The following CENPP variants were observed in gnomAD, a reference collection of about 807,000 sequenced individuals.
CENPP encodes centromere protein P.
In CENPP, 24 loss-of-function variants were observed where a neutral mutation model predicts 35.6. That is an observed-to-expected ratio of 0.67 (90% CI 0.49 to 0.95). The LOEUF (loss-of-function observed/expected upper bound fraction) is 0.95. Ranked by LOEUF, CENPP falls within the 40% of genes least tolerant of loss-of-function variation. The pLI is 0.00. For synonymous variants in CENPP, 120 were observed against 125.5 expected (o/e 0.96, Z 0.29); for missense variants, 332 against 345.3 (o/e 0.96, Z 0.31).
intron 4 of CENPP, among the ~76,000 whole-genome samples, chr9:92,357,372 G>T (rs1328762186): frequency 1.3e-5 from 2 of 151,376 alleles, no homozygotes; most frequent in African/African-American, 4.9e-5. Flanking sequence ...ACTTTTGTTT[G>T]CCTGAGAATG....
At chr9:92,563,357 T>G (rs1237476707) in intron 5 of CENPP, among the ~76,000 whole-genome samples, 2 of 152,322 alleles carry the variant, frequency 1.3e-5, no homozygotes, top group African/African-American at 4.8e-5. Flanking sequence ...CCATCTGTTT[T>G]CCCCAAACAG....
At chr9:92,450,774 T>G (rs897525429) in intron 5 of CENPP, among the ~76,000 whole-genome samples, 27 of 152,200 alleles carry the variant, frequency 1.8e-4, no homozygotes, top group East Asian at 1.5e-3. Flanking sequence ...CCTGACTTTT[T>G]AATGATTGCC....
intron 5 of CENPP, chr9:92,457,148 A>C: frequency 7.1e-7 from 1 of 1,409,016 alleles, no homozygotes; most frequent in Non-Finnish European, 9.2e-7. Context: ...TTCTTGTCAT[A>C]AAATAAGTCA....
rs1851414173 is a variant in CENPP at position 92,615,910 on chromosome 9, TAC to T, written c.*2763_*2764del. 1 of 1,614,226 alleles carries T rather than the reference TAC, an allele frequency of 6.2e-7. No individual in the cohort carries two copies. The highest frequency in any genetic ancestry group is 8.5e-7 in the Non-Finnish European group (1 of 1,180,042). ...ACATCACGGCGTTGTCTTTGGCACG[TAC>T]AGTCTTTGAATAATAGTTGACGATC... On this transcript the variant is annotated 3_prime_UTR_variant, in exon 8 of 8. Transcript: ENST00000375587.
chr9:92,363,238 CA>C (rs1841805383), intron 4 of CENPP, among the ~76,000 whole-genome samples: 1 of 143,960 alleles, frequency 6.9e-6, no homozygotes. Context: ...CATATATACA[CA>C]CACACACACA....
chr9:92,346,390 A>G (rs1841295213), intron 4 of CENPP, among the ~76,000 whole-genome samples: 1 of 152,108 alleles, frequency 6.6e-6, no homozygotes. Flanking sequence ...ACAAAGAGGG[A>G]ATAACTTTGC....
At chr9:92,466,289 A>T (rs928817053) in intron 5 of CENPP, 1 of 1,018,496 alleles carries the variant, frequency 9.8e-7, no homozygotes, top group African/African-American at 1.6e-5. Context: ...CTTAATAGTG[A>T]CGATAAAGTG....
chr9:92,437,311 G>A (rs570866075), intron 5 of CENPP, among the ~76,000 whole-genome samples: 1 of 151,858 alleles, frequency 6.6e-6, no homozygotes, highest in African/African-American at 2.4e-5. Context: ...CATTGTAAGG[G>A]TTCTTTGTAT....
At chr9:92,400,202 G>A (rs1013288509) in intron 5 of CENPP, among the ~76,000 whole-genome samples, 1 of 152,138 alleles carries the variant, frequency 6.6e-6, no homozygotes, top group African/African-American at 2.4e-5. Context: ...CTAGGCTGGA[G>A]TACAATGGCA....
chr9:92,375,924 T>C (rs1021385168), intron 4 of CENPP, among the ~76,000 whole-genome samples: 1 of 151,978 alleles, frequency 6.6e-6, no homozygotes, highest in Non-Finnish European at 1.5e-5. Context: ...TTTGTTATTG[T>C]CATTAAATAC....
At chr9:92,337,026 T>A (rs1840951714) in intron 2 of CENPP, among the ~76,000 whole-genome samples, 1 of 152,148 alleles carries the variant, frequency 6.6e-6, no homozygotes, top group Admixed American at 6.5e-5. Flanking sequence ...TTTGGTATAG[T>A]TGAAAACTTG....
At chr9:92,362,303 C>T (rs1454243114) in intron 4 of CENPP, among the ~76,000 whole-genome samples, 1 of 152,118 alleles carries the variant, frequency 6.6e-6, no homozygotes, top group Non-Finnish European at 1.5e-5. Flanking sequence ...TCATTTGAGA[C>T]TGCAGTGAGC....
intron 4 of CENPP, among the ~76,000 whole-genome samples, chr9:92,347,533 C>A (rs1174814460): frequency 1.3e-5 from 2 of 152,134 alleles, no homozygotes; most frequent in Non-Finnish European, 2.9e-5. Context: ...TTTGGAGTTT[C>A]TTTCTTCTTT....
At chr9:92,460,673 C>A in intron 5 of CENPP, 2 of 659,832 alleles carry the variant, frequency 3.0e-6, no homozygotes, top group Non-Finnish European at 2.6e-6. Context: ...ACTTTTTAGG[C>A]ACTAACTCTT....
intron 5 of CENPP, among the ~76,000 whole-genome samples, chr9:92,454,726 T>A (rs1844823403): frequency 2.6e-5 from 4 of 152,184 alleles, no homozygotes; most frequent in Admixed American, 2.6e-4. Context: ...TGTTCAGTGT[T>A]GTCACCCCTA....
intron 5 of CENPP, among the ~76,000 whole-genome samples, chr9:92,440,773 T>C (rs1192657279): frequency 6.6e-6 from 1 of 152,238 alleles, no homozygotes; most frequent in Admixed American, 6.5e-5. Context: ...AAATGTGTTT[T>C]GACTGACAAC....
At chr9:92,424,207 C>T (rs539470188) in intron 5 of CENPP, 1 of 152,230 alleles carries the variant, frequency 6.6e-6, no homozygotes, top group African/African-American at 2.4e-5. Flanking sequence ...CATACCTGTT[C>T]AATTTGCTTT....
intron 2 of CENPP, among the ~76,000 whole-genome samples, chr9:92,336,824 A>G (rs1398323023): frequency 6.6e-6 from 1 of 152,226 alleles, no homozygotes; most frequent in Non-Finnish European, 1.5e-5. Context: ...ATTCAAATGT[A>G]TGCATGTTAT....
chr9:92,381,728 T>G (rs1237490489), intron 5 of CENPP, among the ~76,000 whole-genome samples: 3 of 152,228 alleles, frequency 2.0e-5, no homozygotes, highest in Non-Finnish European at 4.4e-5. Flanking sequence ...TCAATTCTTT[T>G]AAGTGTAATG....
Sources: gnomAD v4.1 joint callset for allele counts (sites outside exome capture counted in the v4.1 genomes callset) on GRCh38, gnomAD v4.1.1 for gene constraint, MANE v1.5 for transcripts, NCBI Gene and HGNC (gene_info 2026-07-23, HGNC 2026-07-21) for gene names.